Variants in ANO4 observed in about 807,000 individuals in gnomAD.
ANO4 encodes anoctamin-4.
Under a neutral mutation model 141.9 loss-of-function variants are expected in ANO4, and 69 were observed. That is an observed-to-expected ratio of 0.49 (90% CI 0.40 to 0.59). The LOEUF is 0.59. Among genes scored for constraint, ANO4 ranks in the 20% least tolerant of loss-of-function variants. The probability of loss-of-function intolerance (pLI) is 0.00; values close to 1 mark genes in which losing one functional copy is unlikely to be tolerated. For synonymous variants in ANO4, 350 were observed against 394.3 expected (o/e 0.89, Z 1.33); for missense variants, 894 against 1,162.2 (o/e 0.77, Z 3.36).
intron 1 of ANO4, among the ~76,000 whole-genome samples, chr12:100,823,597 C>A (rs1008514985): frequency 6.6e-6 from 1 of 151,938 alleles, no homozygotes; most frequent in Non-Finnish European, 1.5e-5. Flanking sequence ...AAATCACGAG[C>A]CAGATGTTTT....
intron 1 of ANO4, among the ~76,000 whole-genome samples, chr12:100,812,213 T>C (rs2035483317): frequency 6.6e-6 from 1 of 152,208 alleles, no homozygotes; most frequent in Non-Finnish European, 1.5e-5. Context: ...GGGTTTTGCA[T>C]TTTCTTGTTA....
At chr12:100,903,076 A>T (rs994991229) in intron 2 of ANO4, among the ~76,000 whole-genome samples, 4 of 152,142 alleles carry the variant, frequency 2.6e-5, no homozygotes, top group African/African-American at 9.7e-5. Context: ...TGAAAATAAT[A>T]ATTTACTTTT....
At chr12:101,018,026 A>G (rs2046381791) in intron 8 of ANO4, among the ~76,000 whole-genome samples, 1 of 152,250 alleles carries the variant, frequency 6.6e-6, no homozygotes, top group African/African-American at 2.4e-5. Context: ...AAAACCATTT[A>G]ATGGAGGAGG....
intron 8 of ANO4, among the ~76,000 whole-genome samples, chr12:101,014,119 T>C (rs2046218569): frequency 6.6e-6 from 1 of 152,060 alleles, no homozygotes; most frequent in South Asian, 2.1e-4. Flanking sequence ...ACAACGCCCA[T>C]GCCCATATAT....
chr12:101,086,277 C>T (rs1378527780), intron 16 of ANO4, among the ~76,000 whole-genome samples: 3 of 152,068 alleles, frequency 2.0e-5, no homozygotes, highest in Admixed American at 2.0e-4. Context: ...GAGGGTCTTG[C>T]AGGCTGCGTA....
chr12:100,819,115 T>C (rs895349535), intron 1 of ANO4, among the ~76,000 whole-genome samples: 1 of 140,136 alleles, frequency 7.1e-6, no homozygotes, highest in Non-Finnish European at 1.6e-5. Context: ...TGACATTAGA[T>C]GAATTTTTTT....
chr12:100,858,768 T>C lies in ANO4; in HGVS notation c.-140-42878T>C, dbSNP rs535623568. On this transcript the variant is annotated intron_variant, in intron 1 of 27. Coordinates refer to ENST00000392977, the MANE Select transcript of ANO4 (RefSeq NM_001286615.2). ...CCCTCAGCTTCCTATTTCTTGCCAGTAGCTTCATTGCAAAACCACTCTACC... is the reference window on the plus strand; with the variant it reads ...CCCTCAGCTTCCTATTTCTTGCCAGCAGCTTCATTGCAAAACCACTCTACC... Among the ~76,000 whole-genome samples, 6 of 151,094 alleles carry C rather than the reference T, an allele frequency of 4.0e-5. No homozygotes were observed. In the South Asian group the frequency reaches 1.1e-3, roughly 27 times the overall value.
chr12:101,079,646 G>C (rs2049165620), intron 15 of ANO4, among the ~76,000 whole-genome samples: 1 of 152,116 alleles, frequency 6.6e-6, no homozygotes, highest in Non-Finnish European at 1.5e-5. Context: ...CCTTCCAAGA[G>C]AATTACCCAA....
intron 2 of ANO4, among the ~76,000 whole-genome samples, chr12:100,738,946 T>C (rs1409692297): frequency 6.6e-6 from 1 of 150,858 alleles, no homozygotes; most frequent in Admixed American, 6.6e-5. Context: ...GGTACTTTTT[T>C]ACTTACGTCT....
intron 3 of ANO4, among the ~76,000 whole-genome samples, chr12:100,924,343 G>A (rs548605841): frequency 6.4e-4 from 97 of 152,150 alleles, no homozygotes; most frequent in African/African-American, 2.2e-3. Flanking sequence ...CTTACAGATG[G>A]AACAACTGAG....
rs150993874 is a variant in ANO4 at position 101,052,165 on chromosome 12, T to G, written c.1312+3764T>G. On this transcript the variant is annotated intron_variant, in intron 14 of 27. Transcript: ENST00000392977. ...CCATCTGTAACCAGTTTGTAGCAAC[T>G]GGGAGGGCCTTGGCATTGGGTTAGG... 5.5e-3 allele frequency among the ~76,000 whole-genome samples: 832 copies of G among 152,290 alleles called. 14 individuals carry two copies. Among genetic ancestry groups the G allele is most frequent in the African/African-American group, 0.019 (794 of 41,566 alleles).
chr12:100,897,770 T>C (rs2040415614), intron 1 of ANO4, among the ~76,000 whole-genome samples: 1 of 152,168 alleles, frequency 6.6e-6, no homozygotes, highest in Non-Finnish European at 1.5e-5. Flanking sequence ...ACTAAGGTCT[T>C]TGACAGCTGA....
At chr12:100,793,720 G>A (rs1336890737), upstream of ANO4, among the ~76,000 whole-genome samples, 1 of 152,128 alleles carries the variant, frequency 6.6e-6, no homozygotes, top group African/African-American at 2.4e-5. Flanking sequence ...TTTTACTGTG[G>A]AGTCCAATTA....
intron 26 of ANO4, among the ~76,000 whole-genome samples, chr12:101,124,251 C>T (rs1239656797): frequency 6.6e-6 from 1 of 151,974 alleles, no homozygotes; most frequent in Non-Finnish European, 1.5e-5. Context: ...TGTTTGTTGG[C>T]TGCATGAATG....
intron 1 of ANO4, among the ~76,000 whole-genome samples, chr12:100,832,603 T>G (rs10745898): frequency 0.83 from 126,345 of 152,038 alleles, 52,561 homozygotes; most frequent in Admixed American, 0.87. Context: ...TGTTGGGAGG[T>G]AGCATCTACT....
At chr12:100,863,827 T>A (rs973422280) in intron 1 of ANO4, among the ~76,000 whole-genome samples, 3 of 152,206 alleles carry the variant, frequency 2.0e-5, no homozygotes, top group African/African-American at 7.2e-5. Flanking sequence ...TGTTTTCAAA[T>A]TCTTTATAAA....
rs2044086092 is a variant in ANO4 at position 100,974,694 on chromosome 12, C to T, written c.558-151C>T. 4.0e-5 allele frequency: 33 copies of T among 819,522 alleles called. No homozygotes were observed. The South Asian group carries it at 4.3e-4, about 11-fold the overall frequency. The allele number at this position is 819,522 out of a possible 1,614,324, so 50.8% of individuals were successfully genotyped here. On this transcript the variant is annotated intron_variant, in intron 6 of 27. Transcript: ENST00000392977. ...CAAAAACGCATGCCCTGTGTTCCCA[C>T]TGTATTTCTCACTGTTAATCTCTTT...
Position 101,096,585 on chromosome 12 carries a change from G to A in ANO4, c.1788G>A (p.Met596Ile). ...GGGAGAACAGCTTCACCCTGAAAAT[G>A]TTTCTTTTTCAGTTTGTCAATCTGA... ...SEWENSFTLK[M>I]FLFQFVNLNS... The change falls in exon 19 of 28, where the codon ATG becomes ATA. Residue 596 changes from methionine to isoleucine, a missense_variant. Physicochemically the swap from Met to Ile is conservative, Grantham distance 10 (BLOSUM62 1). Around this residue, in one of 2 missense-constraint regions of ANO4, gnomAD observed 637 missense variants for 909.2 expected, o/e 0.70. Transcript: ENST00000392977. 8 of 1,613,560 alleles carry A rather than the reference G, an allele frequency of 5.0e-6. No individual in the cohort carries two copies. Among genetic ancestry groups the A allele is most frequent in the Non-Finnish European group, 6.8e-6 (8 of 1,179,648 alleles).
At chr12:100,808,503 C>G (rs2135694501) in intron 1 of ANO4, among the ~76,000 whole-genome samples, 1 of 152,234 alleles carries the variant, frequency 6.6e-6, no homozygotes. Context: ...ATGATACTGA[C>G]CCAACCTGTC....
Sources: allele counts gnomAD v4.1 joint callset (sites outside exome capture counted in the v4.1 genomes callset), GRCh38; gene constraint gnomAD v4.1.1; regional missense constraint gnomAD v4.1.1; transcripts MANE v1.5; gene names NCBI Gene and HGNC (gene_info 2026-07-23, HGNC 2026-07-21).